Variants in TAFA1 observed in about 807,000 individuals in gnomAD.
TAFA1 encodes the protein TAFA chemokine like family member 1.
In TAFA1, 4 loss-of-function variants were observed where a neutral mutation model predicts 18.5. That is an observed-to-expected ratio of 0.22 (90% confidence interval 0.11 to 0.49). The LOEUF (loss-of-function observed/expected upper bound fraction) is 0.49, where lower values mean the gene tolerates loss of function less well. Ranked by LOEUF, TAFA1 falls within the 20% of genes least tolerant of loss-of-function variation. The pLI, the probability that TAFA1 is intolerant of heterozygous loss-of-function variation, is 0.98. For synonymous variants in TAFA1, 56 were observed against 55.2 expected (o/e 1.01, Z -0.06); for missense variants, 147 against 169.0 (o/e 0.87, Z 0.72).
At chr3:68,426,454 C>G (rs1015284632) in intron 3 of TAFA1, among the ~76,000 whole-genome samples, 1 of 151,660 alleles carries the variant, frequency 6.6e-6, no homozygotes, top group South Asian at 2.1e-4. Flanking sequence ...AATTTTTTAG[C>G]GCAGGGAAAT....
chr3:68,528,702 A>G (rs550178618), intron 3 of TAFA1, among the ~76,000 whole-genome samples: 1 of 152,182 alleles, frequency 6.6e-6, no homozygotes, highest in Non-Finnish European at 1.5e-5. Context: ...TGATTGAGGT[A>G]CTTATAACCT....
the TAFA1 span, among the ~76,000 whole-genome samples, chr3:67,992,484 T>C: frequency 2.9e-3 from 449 of 152,342 alleles, 4 homozygotes; most frequent in Non-Finnish European, 3.6e-3. Context: ...ATTATCTTAT[T>C]GTGCTTTAAT....
intron 2 of TAFA1, among the ~76,000 whole-genome samples, chr3:68,170,504 C>A (rs1386184339): frequency 6.6e-6 from 1 of 152,150 alleles, no homozygotes; most frequent in East Asian, 1.9e-4. Flanking sequence ...AAAGGAAAAA[C>A]TGGGATATGA....
chr3:68,033,436 T>A (rs910659913), intron 2 of TAFA1, among the ~76,000 whole-genome samples: 7 of 152,344 alleles, frequency 4.6e-5, no homozygotes, highest in Middle Eastern at 3.4e-3. Flanking sequence ...TTATTTTGTA[T>A]GTTTTTTAAG....
chr3:68,121,560 T>C (rs1254560254), intron 2 of TAFA1, among the ~76,000 whole-genome samples: 1 of 152,210 alleles, frequency 6.6e-6, no homozygotes, highest in Non-Finnish European at 1.5e-5. Context: ...AGAGTGTGTT[T>C]GGAGTGCAAA....
chr3:68,193,904 G>C (rs955836667), intron 2 of TAFA1, among the ~76,000 whole-genome samples: 5 of 151,614 alleles, frequency 3.3e-5, no homozygotes, highest in African/African-American at 1.2e-4. Flanking sequence ...GTTCAGTTGT[G>C]GTCTTGCTGA....
intron 2 of TAFA1, among the ~76,000 whole-genome samples, chr3:68,030,171 G>A (rs888387645): frequency 6.6e-6 from 1 of 151,978 alleles, no homozygotes; most frequent in Admixed American, 6.6e-5. Flanking sequence ...TATTAATAAT[G>A]GCAAACAGTA....
chr3:68,512,257 C>T (rs1353775187), intron 3 of TAFA1, among the ~76,000 whole-genome samples: 2 of 152,016 alleles, frequency 1.3e-5, no homozygotes, highest in Admixed American at 6.6e-5. Context: ...GTATTTGCTT[C>T]CCACAATATA....
chr3:68,479,229 C>CAAAAAAAA (rs764971674), intron 3 of TAFA1, among the ~76,000 whole-genome samples: 2 of 97,566 alleles, frequency 2.0e-5, no homozygotes, highest in African/African-American at 1.0e-4. Context: ...GACTCCATCT[C>CAAAAAAAA]AAAAAAAAAA....
intron 3 of TAFA1, among the ~76,000 whole-genome samples, chr3:68,503,499 G>A (rs1245920414): frequency 1.3e-5 from 2 of 152,098 alleles, no homozygotes; most frequent in African/African-American, 2.4e-5. Context: ...GAGATAGAAA[G>A]CAAACTAGAG....
At chr3:68,226,079 A>T (rs2066796680) in intron 2 of TAFA1, among the ~76,000 whole-genome samples, 1 of 152,196 alleles carries the variant, frequency 6.6e-6, no homozygotes. Flanking sequence ...AGTTCAGTTT[A>T]CTTGTTCAAA....
chr3:68,505,136 A>T (rs751829757), intron 3 of TAFA1, among the ~76,000 whole-genome samples: 1 of 152,160 alleles, frequency 6.6e-6, no homozygotes, highest in Non-Finnish European at 1.5e-5. Context: ...TCAAACAGGG[A>T]CAAGGTTTCG....
upstream of TAFA1, among the ~76,000 whole-genome samples, chr3:68,000,820 G>GTAGAA (rs761827434): frequency 2.0e-5 from 3 of 152,158 alleles, no homozygotes; most frequent in Non-Finnish European, 4.4e-5. Context: ...TAAACAGGAA[G>GTAGAA]TAGAATTAAT....
chr3:68,544,537 C>A lies in TAFA1; in HGVS notation c.*34C>A. 1 of 1,607,580 alleles carries A rather than the reference C, an allele frequency of 6.2e-7. No homozygotes were observed. Among genetic ancestry groups the A allele is most frequent in the East Asian group, 2.2e-5 (1 of 44,780 alleles). ...TTTGTGGTAGTAAAGGAAAACCAAC[C>A]CTCTGGAAAATACATTTTGAGAATC... On this transcript the variant is annotated 3_prime_UTR_variant, in exon 5 of 5. Transcript: ENST00000478136.
intron 2 of TAFA1, among the ~76,000 whole-genome samples, chr3:68,132,049 G>A (rs147633950): frequency 0.011 from 1,660 of 152,178 alleles, 23 homozygotes; most frequent in Non-Finnish European, 0.019. Flanking sequence ...CCCCCGGACA[G>A]GCCCAAGTGT....
chr3:68,409,135 T>C (rs1449211179), intron 2 of TAFA1, among the ~76,000 whole-genome samples: 1 of 152,166 alleles, frequency 6.6e-6, no homozygotes, highest in Admixed American at 6.6e-5. Flanking sequence ...CACATGTACA[T>C]GTACAGGGCT....
intron 2 of TAFA1, among the ~76,000 whole-genome samples, chr3:68,091,880 C>G (rs946427718): frequency 1.3e-5 from 2 of 152,204 alleles, no homozygotes; most frequent in Middle Eastern, 3.4e-3. Context: ...AAAAAATGAC[C>G]AAGTATCTCC....
chr3:68,403,730 T>A (rs1039043543), intron 2 of TAFA1, among the ~76,000 whole-genome samples: 23 of 152,226 alleles, frequency 1.5e-4, no homozygotes, highest in Non-Finnish European at 2.1e-4. Context: ...TGAAAATGTT[T>A]ATTATCTGGA....
intron 2 of TAFA1, among the ~76,000 whole-genome samples, chr3:68,122,378 G>T (rs1047278577): frequency 6.6e-6 from 1 of 152,094 alleles, no homozygotes; most frequent in Non-Finnish European, 1.5e-5. Flanking sequence ...CCAGAAGAAT[G>T]TTTTATCTTC....
Sources: allele counts gnomAD v4.1 joint callset (sites outside exome capture counted in the v4.1 genomes callset), GRCh38; gene constraint gnomAD v4.1.1; transcripts MANE v1.5; gene names NCBI Gene and HGNC (gene_info 2026-07-23, HGNC 2026-07-21).